Variants in POU6F2 observed in about 807,000 individuals in gnomAD.
POU6F2 encodes POU domain, class 6, transcription factor 2.
In POU6F2, 31 loss-of-function variants were observed where a neutral mutation model predicts 71.3. That is an observed-to-expected ratio of 0.43 (90% confidence interval 0.33 to 0.59). The LOEUF (loss-of-function observed/expected upper bound fraction) is 0.59, where lower values mean the gene tolerates loss of function less well. POU6F2 is among the 20% of genes least tolerant of loss of function. The pLI, the probability that POU6F2 is intolerant of heterozygous loss-of-function variation, is 0.04. For missense variants in POU6F2, 783 were observed against 856.8 expected, an observed-to-expected ratio of 0.91 and a Z score of 1.07; for synonymous variants, 347 against 355.7, an observed-to-expected ratio of 0.98 and a Z score of 0.27.
At chr7:39,211,065 G>T (rs572208605) in intron 4 of POU6F2, among the ~76,000 whole-genome samples, 1 of 152,258 alleles carries the variant, frequency 6.6e-6, no homozygotes, top group South Asian at 2.1e-4. Context: ...GAAGGTATGA[G>T]AGAACTCTCA....
chr7:38,990,861 G>C (rs982653531), intron 1 of POU6F2, among the ~76,000 whole-genome samples: 1 of 152,088 alleles, frequency 6.6e-6, no homozygotes, highest in African/African-American at 2.4e-5. Flanking sequence ...TCTTTTGAGA[G>C]GGAGTAAAAG....
intron 4 of POU6F2, among the ~76,000 whole-genome samples, chr7:39,300,670 G>A (rs1391892431): frequency 6.6e-6 from 1 of 152,028 alleles, no homozygotes; most frequent in African/African-American, 2.4e-5. Context: ...TCCTTGGCTT[G>A]CAGATGGCTG....
At chr7:39,134,705 G>A (rs900297217) in intron 2 of POU6F2, among the ~76,000 whole-genome samples, 2 of 152,116 alleles carry the variant, frequency 1.3e-5, no homozygotes, top group African/African-American at 2.4e-5. Flanking sequence ...CAAGCTCCAG[G>A]CAGGCTTAGA....
At chr7:39,126,257 G>C (rs534526879) in intron 2 of POU6F2, among the ~76,000 whole-genome samples, 1 of 152,192 alleles carries the variant, frequency 6.6e-6, no homozygotes, top group Non-Finnish European at 1.5e-5. Context: ...TCATATCCAG[G>C]GGGATAGGGA....
intron 5 of POU6F2, among the ~76,000 whole-genome samples, chr7:39,392,064 A>T (rs933357542): frequency 1.3e-5 from 2 of 152,180 alleles, no homozygotes; most frequent in Non-Finnish European, 2.9e-5. Flanking sequence ...TTTTAGCCAT[A>T]TGTTCCTACT....
intron 4 of POU6F2, among the ~76,000 whole-genome samples, chr7:39,237,512 G>C (rs183039030): frequency 6.6e-6 from 1 of 152,102 alleles, no homozygotes; most frequent in African/African-American, 2.4e-5. Flanking sequence ...TTACGTGTTC[G>C]CTGTGTCCCT....
Position 39,340,031 on chromosome 7 carries a change from T to C in POU6F2, c.972+16T>C. ...TCCTCTACAGGTATGCTCCCCGTGC[T>C]TCCCGTCTGCCCCTAGGAGCACCAA... is the stretch of plus-strand genomic sequence containing the variant. On this transcript the variant is annotated intron_variant, in intron 5 of 9. Transcript: ENST00000518318. 6.3e-7 allele frequency: 1 copy of C among 1,586,360 alleles called. No homozygotes were observed. Among genetic ancestry groups the C allele is most frequent in the Non-Finnish European group, 8.6e-7 (1 of 1,161,648 alleles).
At chr7:39,350,423 G>GT (rs1310720288) in intron 5 of POU6F2, among the ~76,000 whole-genome samples, 2 of 152,014 alleles carry the variant, frequency 1.3e-5, no homozygotes, top group Non-Finnish European at 2.9e-5. Flanking sequence ...GTTTTTTGGG[G>GT]TTTTTTTAAT....
intron 5 of POU6F2, among the ~76,000 whole-genome samples, chr7:39,395,604 G>A (rs1436664139): frequency 6.6e-6 from 1 of 152,194 alleles, no homozygotes; most frequent in Admixed American, 6.5e-5. Context: ...CTGGGGGCTG[G>A]CACAGAGCCT....
At chr7:39,286,555 C>T (rs540599797) in intron 4 of POU6F2, among the ~76,000 whole-genome samples, 1 of 152,260 alleles carries the variant, frequency 6.6e-6, no homozygotes, top group East Asian at 1.9e-4. Context: ...TCTGGCCTCT[C>T]CTTGAACATT....
intron 5 of POU6F2, among the ~76,000 whole-genome samples, chr7:39,403,818 T>G (rs1015836786): frequency 2.0e-5 from 3 of 152,228 alleles, no homozygotes; most frequent in Non-Finnish European, 4.4e-5. Context: ...CCAAAAGATA[T>G]GTATGTATAA....
intron 5 of POU6F2, among the ~76,000 whole-genome samples, chr7:39,368,530 TC>T (rs1786550207): frequency 6.6e-6 from 1 of 152,204 alleles, no homozygotes; most frequent in Non-Finnish European, 1.5e-5. Flanking sequence ...TTTCAGAAAA[TC>T]TAGCTAAGAT....
chr7:39,008,380 T>C (rs1266049590), intron 1 of POU6F2, among the ~76,000 whole-genome samples: 1 of 152,196 alleles, frequency 6.6e-6, no homozygotes, highest in Admixed American at 6.5e-5. Flanking sequence ...GGTTGTTTTT[T>C]CTTGTAAATT....
intron 4 of POU6F2, among the ~76,000 whole-genome samples, chr7:39,273,715 T>C (rs1035321821): frequency 6.6e-6 from 1 of 151,886 alleles, no homozygotes; most frequent in Non-Finnish European, 1.5e-5. Flanking sequence ...CGGGGAACAG[T>C]GAGTACTAAC....
intron 1 of POU6F2, among the ~76,000 whole-genome samples, chr7:39,016,316 G>T (rs982794109): frequency 1.3e-5 from 2 of 149,900 alleles, no homozygotes; most frequent in African/African-American, 4.9e-5. Context: ...AGCCAAGTAG[G>T]GTTCTAGTAA....
At chr7:38,988,356 C>T (rs1788512045) in intron 1 of POU6F2, among the ~76,000 whole-genome samples, 1 of 151,966 alleles carries the variant, frequency 6.6e-6, no homozygotes, top group Admixed American at 6.6e-5. Flanking sequence ...AAAAGCTTTA[C>T]AGGTGATTCT....
At chr7:39,133,274 C>T (rs530830720) in intron 2 of POU6F2, among the ~76,000 whole-genome samples, 9 of 152,288 alleles carry the variant, frequency 5.9e-5, no homozygotes, top group Admixed American at 3.9e-4. Flanking sequence ...GTGACTAATA[C>T]GAGAATGTCC....
chr7:38,994,159 A>T (rs1379604094), intron 1 of POU6F2, among the ~76,000 whole-genome samples: 1 of 152,154 alleles, frequency 6.6e-6, no homozygotes, highest in Non-Finnish European at 1.5e-5. Context: ...CAAGAGTGCT[A>T]CCTGATGTGC....
In POU6F2 at chr7:39,176,644, G is replaced by A. The variant is rs147080539; in HGVS notation, c.278-27591G>A. 1.2e-4 allele frequency among the ~76,000 whole-genome samples: 18 copies of A among 152,256 alleles called. No individual in the cohort carries two copies. In the East Asian group the frequency reaches 1.9e-3, roughly 16 times the overall value. ...AACTTTTACATCATGGCCTTCAAATGTTGTTTTATTCACAAATGAGTATAG... is the reference window on the plus strand; with the variant it reads ...AACTTTTACATCATGGCCTTCAAATATTGTTTTATTCACAAATGAGTATAG... On this transcript the variant is annotated intron_variant, in intron 2 of 9. Coordinates refer to ENST00000518318, the MANE Select transcript of POU6F2 (RefSeq NM_001370959.1).
Sources: gnomAD v4.1 joint callset for allele counts (sites outside exome capture counted in the v4.1 genomes callset) on GRCh38, gnomAD v4.1.1 for gene constraint, MANE v1.5 for transcripts, NCBI Gene and HGNC (gene_info 2026-07-23, HGNC 2026-07-21) for gene names.